The following NPSR1 variants were observed in gnomAD, a reference collection of about 807,000 sequenced individuals.
NPSR1 encodes neuropeptide S receptor 1, also known as neuropeptide S receptor.
NPSR1 carries 48 observed loss-of-function variants against 46.9 expected under a neutral mutation model. The ratio of observed to expected loss-of-function variants is 1.02; its 90% CI spans 0.81 to 1.30. The LOEUF (loss-of-function observed/expected upper bound fraction) is 1.30. NPSR1 is among the 50% of genes most tolerant of loss of function. The probability of loss-of-function intolerance (pLI) is 0.00; values close to 1 mark genes in which losing one functional copy is unlikely to be tolerated. For synonymous variants in NPSR1, 176 were observed against 168.1 expected (o/e 1.05, Z -0.36); for missense variants, 450 against 449.5 (o/e 1.00, Z -0.01).
chr7:34,806,455 C>T (rs1788702529), intron 3 of NPSR1, among the ~76,000 whole-genome samples: 1 of 152,068 alleles, frequency 6.6e-6, no homozygotes. Flanking sequence ...ATTACATTCT[C>T]AAAAAGGCAA....
At position 34,845,809 on chromosome 7, in the gene NPSR1, G is replaced by A. The variant is rs74667548; in HGVS notation, c.844+827G>A. Reference sequence around the variant, plus strand: ...ACACACTGCTCAATTAACATTTGTCGAATGAATGAATGAATGAATGAATGA... The same window carrying A: ...ACACACTGCTCAATTAACATTTGTCAAATGAATGAATGAATGAATGAATGA... On this transcript the variant is annotated intron_variant, in intron 7 of 8. Coordinates refer to ENST00000360581, the MANE Select transcript of NPSR1 (RefSeq NM_207172.2). Among the ~76,000 whole-genome samples, 153 of 149,432 alleles carry A rather than the reference G, an allele frequency of 1.0e-3. 2 individuals carry two copies. The East Asian group carries it at 0.025, about 24-fold the overall frequency.
At chr7:34,836,774 G>GA (rs961572115) in intron 6 of NPSR1, among the ~76,000 whole-genome samples, 2 of 151,190 alleles carry the variant, frequency 1.3e-5, no homozygotes, top group South Asian at 2.1e-4. Context: ...GAAAGAGAAA[G>GA]AAAAAAATAT....
chr7:34,822,145 G>A (rs1714463589), intron 4 of NPSR1, among the ~76,000 whole-genome samples: 1 of 152,194 alleles, frequency 6.6e-6, no homozygotes. Flanking sequence ...CAAGTTTATA[G>A]GGTGAGGGCA....
At chr7:34,709,236 G>C (rs1277788854) in intron 2 of NPSR1, among the ~76,000 whole-genome samples, 1 of 152,146 alleles carries the variant, frequency 6.6e-6, no homozygotes, top group Non-Finnish European at 1.5e-5. Context: ...ACAAAATACA[G>C]CTACCACAAC....
At chr7:34,689,181 G>A (rs1793092409) in intron 2 of NPSR1, among the ~76,000 whole-genome samples, 1 of 152,194 alleles carries the variant, frequency 6.6e-6, no homozygotes. Flanking sequence ...TCACAGATCA[G>A]CCCATTGCCC....
At chr7:34,815,763 A>G (rs1789215953) in intron 4 of NPSR1, among the ~76,000 whole-genome samples, 1 of 151,066 alleles carries the variant, frequency 6.6e-6, no homozygotes, top group Non-Finnish European at 1.5e-5. Flanking sequence ...GCCAATATTC[A>G]ACATTCTTAA....
intron 1 of NPSR1, among the ~76,000 whole-genome samples, chr7:34,663,675 C>T (rs1791586271): frequency 6.6e-6 from 1 of 152,230 alleles, no homozygotes; most frequent in African/African-American, 2.4e-5. Context: ...TCTGACACCA[C>T]TGCTGCGCCA....
intron 4 of NPSR1, among the ~76,000 whole-genome samples, chr7:34,824,277 G>C (rs983299101): frequency 6.6e-6 from 1 of 152,188 alleles, no homozygotes; most frequent in Non-Finnish European, 1.5e-5. Flanking sequence ...AGGTAAATGA[G>C]TTACATGGAA....
intron 6 of NPSR1, among the ~76,000 whole-genome samples, chr7:34,841,838 T>C (rs1790575628): frequency 6.6e-6 from 1 of 152,176 alleles, no homozygotes; most frequent in Admixed American, 6.5e-5. Flanking sequence ...TTCAGAGCCA[T>C]ACTGTTTAGG....
At chr7:34,723,681 C>A (rs920802679) in intron 2 of NPSR1, among the ~76,000 whole-genome samples, 2 of 152,082 alleles carry the variant, frequency 1.3e-5, no homozygotes, top group Non-Finnish European at 2.9e-5. Context: ...ATCTATCCAG[C>A]CTTTTTTTGA....
At chr7:34,662,190 C>A (rs1791486783) in intron 1 of NPSR1, among the ~76,000 whole-genome samples, 1 of 152,170 alleles carries the variant, frequency 6.6e-6, no homozygotes, top group Non-Finnish European at 1.5e-5. Flanking sequence ...CACCTAATAA[C>A]AATCTTTTAT....
chr7:34,708,976 G>A (rs73691497), intron 2 of NPSR1, among the ~76,000 whole-genome samples: 102 of 152,238 alleles, frequency 6.7e-4, no homozygotes, highest in African/African-American at 2.2e-3. Context: ...GGCTCAGAGA[G>A]GGTAAGTGGC....
chr7:34,831,500 G>C (rs988698100), intron 5 of NPSR1, among the ~76,000 whole-genome samples: 2 of 152,146 alleles, frequency 1.3e-5, no homozygotes, highest in Non-Finnish European at 2.9e-5. Flanking sequence ...GGGAAAGAGA[G>C]AGAGAGAGAG....
At chr7:34,787,563 T>G (rs1787521680) in intron 3 of NPSR1, among the ~76,000 whole-genome samples, 1 of 152,172 alleles carries the variant, frequency 6.6e-6, no homozygotes, top group South Asian at 2.1e-4. Context: ...CTATCTTGGT[T>G]TCTGACATGC....
intron 2 of NPSR1, among the ~76,000 whole-genome samples, chr7:34,773,303 T>C (rs1227621817): frequency 3.3e-5 from 5 of 152,178 alleles, no homozygotes; most frequent in Non-Finnish European, 7.4e-5. Flanking sequence ...GCTCTAAAAG[T>C]ACAGCTACTT....
rs1353574383 is a variant in NPSR1, at chr7:34,809,502, C to T, written c.385-2268C>T. Among the ~76,000 whole-genome samples, 22 of 133,106 alleles carry T rather than the reference C, an allele frequency of 1.7e-4. No homozygotes were observed. In the East Asian group the frequency reaches 3.5e-3, roughly 21 times the overall value. 87.3% of individuals were successfully genotyped at this position (133,106 alleles called of 152,430 possible). On this transcript the variant is annotated intron_variant, in intron 3 of 8. Transcript: ENST00000360581. ...TTTTTGAGACGGAGTCTCGCTCTGT[C>T]GCCCAGGCTGGAGTGCAGTGGCGCA... is the stretch of plus-strand genomic sequence containing the variant.
chr7:34,846,430 C>T (rs992412680), intron 7 of NPSR1, among the ~76,000 whole-genome samples: 1 of 151,812 alleles, frequency 6.6e-6, no homozygotes, highest in African/African-American at 2.4e-5. Context: ...ATACTACCTA[C>T]CATGATCATT....
At chr7:34,858,532 G>C (rs1791107527) in intron 8 of NPSR1, among the ~76,000 whole-genome samples, 2 of 151,340 alleles carry the variant, frequency 1.3e-5, no homozygotes, top group South Asian at 2.1e-4. Flanking sequence ...AATTGTATTA[G>C]TCCGTTTTTC....
intron 6 of NPSR1, among the ~76,000 whole-genome samples, chr7:34,843,371 A>G (rs185829082): frequency 4.5e-4 from 68 of 152,336 alleles, no homozygotes; most frequent in African/African-American, 1.5e-3. Context: ...CGTCCATTCC[A>G]TCAGAAGCCC....
Sources: gnomAD v4.1 joint callset for allele counts (sites outside exome capture counted in the v4.1 genomes callset) on GRCh38, gnomAD v4.1.1 for gene constraint, MANE v1.5 for transcripts, NCBI Gene and HGNC (gene_info 2026-07-23, HGNC 2026-07-21) for gene names.